MGAT4C: variants seen among roughly 807,000 people sequenced by gnomAD.
MGAT4C encodes the protein MGAT4 family member C, also known as alpha-1,3-mannosyl-glycoprotein 4-beta-N-acetylglucosaminyltransferase C.
A neutral mutation model predicts 40.1 loss-of-function variants in MGAT4C; 19 were observed. The ratio of observed to expected loss-of-function variants is 0.47; its 90% confidence interval spans 0.33 to 0.70. The LOEUF (loss-of-function observed/expected upper bound fraction) is 0.70, where lower values mean the gene tolerates loss of function less well. Among genes scored for constraint, MGAT4C ranks in the 30% least tolerant of loss-of-function variants. The pLI, the probability that MGAT4C is intolerant of heterozygous loss-of-function variation, is 0.02. For synonymous variants in MGAT4C, 181 were observed against 187.1 expected, an observed-to-expected ratio of 0.97 and a Z score of 0.27; for missense variants, 491 against 563.2, an observed-to-expected ratio of 0.87 and a Z score of 1.30.
At chr12:86,346,859 C>T (rs1474013829) in intron 3 of MGAT4C, among the ~76,000 whole-genome samples, 4 of 152,082 alleles carry the variant, frequency 2.6e-5, no homozygotes, top group South Asian at 2.1e-4. Flanking sequence ...AGAAAATGTA[C>T]GTGGAAAAGT....
intron 2 of MGAT4C, among the ~76,000 whole-genome samples, chr12:86,602,883 CGT>C (rs35262458): frequency 0.49 from 72,524 of 147,380 alleles, 17,750 homozygotes; most frequent in East Asian, 0.57. Context: ...TGCCCATCTG[CGT>C]GTGTGTGTGT....
exon 1 of MGAT4C, chr12:86,838,757 A>T (rs1421849989): frequency 6.6e-6 from 1 of 152,162 alleles, no homozygotes; most frequent in Non-Finnish European, 1.5e-5. Flanking sequence ...CTTGATGGAG[A>T]GTTTCATTCC....
At chr12:86,106,107 T>C (rs1283024520) in intron 1 of MGAT4C, among the ~76,000 whole-genome samples, 1 of 152,182 alleles carries the variant, frequency 6.6e-6, no homozygotes, top group African/African-American at 2.4e-5. Context: ...TAATAGTGCT[T>C]CCCCAATTGT....
intron 2 of MGAT4C, among the ~76,000 whole-genome samples, chr12:86,536,014 T>A (rs920611918): frequency 6.6e-6 from 1 of 152,122 alleles, no homozygotes; most frequent in Admixed American, 6.6e-5. Context: ...TGTATACAAC[T>A]ATAATGAAAC....
chr12:86,427,600 C>T (rs1956954649), intron 3 of MGAT4C, among the ~76,000 whole-genome samples: 1 of 152,088 alleles, frequency 6.6e-6, no homozygotes, highest in African/African-American at 2.4e-5. Context: ...CCTTAGTAGT[C>T]ACATTCTTAG....
At chr12:86,333,158 A>T (rs926062650) in intron 4 of MGAT4C, among the ~76,000 whole-genome samples, 9 of 152,200 alleles carry the variant, frequency 5.9e-5, no homozygotes, top group Admixed American at 3.9e-4. Context: ...TAAGTCACTT[A>T]TCTGCAGCCA....
At chr12:86,488,088 G>C (rs905418499) in intron 2 of MGAT4C, among the ~76,000 whole-genome samples, 1 of 151,994 alleles carries the variant, frequency 6.6e-6, no homozygotes, top group Non-Finnish European at 1.5e-5. Flanking sequence ...TAAAAACACA[G>C]TATGCAAAAT....
chr12:86,816,700 ATT>A (rs1291753543), intron 1 of MGAT4C, among the ~76,000 whole-genome samples: 1 of 151,526 alleles, frequency 6.6e-6, no homozygotes, highest in Non-Finnish European at 1.5e-5. Flanking sequence ...TAGTGTGAAT[ATT>A]TTTGTGTGTT....
At chr12:86,217,775 G>T (rs1204730329) in intron 1 of MGAT4C, among the ~76,000 whole-genome samples, 1 of 152,118 alleles carries the variant, frequency 6.6e-6, no homozygotes, top group Non-Finnish European at 1.5e-5. Flanking sequence ...AGTATGAAGA[G>T]ATTTTGTTTT....
At chr12:86,305,741 T>C (rs985716505) in intron 4 of MGAT4C, among the ~76,000 whole-genome samples, 1 of 150,516 alleles carries the variant, frequency 6.6e-6, no homozygotes, top group Non-Finnish European at 1.5e-5. Flanking sequence ...TTAGAATACC[T>C]AATACAATAT....
At chr12:86,384,215 G>A (rs1457864400) in intron 3 of MGAT4C, among the ~76,000 whole-genome samples, 4 of 152,240 alleles carry the variant, frequency 2.6e-5, no homozygotes, top group Non-Finnish European at 5.9e-5. Flanking sequence ...TTTATCAGCA[G>A]TGTGAAAACT....
chr12:86,316,883 T>C (rs550107817), intron 4 of MGAT4C, among the ~76,000 whole-genome samples: 1 of 151,956 alleles, frequency 6.6e-6, no homozygotes, highest in Admixed American at 6.6e-5. Context: ...AATTATATTA[T>C]AAAAAAGTGA....
chr12:86,525,193 G>A (rs1958860531), intron 2 of MGAT4C, among the ~76,000 whole-genome samples: 1 of 152,158 alleles, frequency 6.6e-6, no homozygotes, highest in Non-Finnish European at 1.5e-5. Flanking sequence ...CCTCCATGCT[G>A]TTCTCATTAT....
chr12:86,408,184 C>T (rs1240232719), intron 3 of MGAT4C, among the ~76,000 whole-genome samples: 1 of 151,914 alleles, frequency 6.6e-6, no homozygotes, highest in Non-Finnish European at 1.5e-5. Flanking sequence ...TGAATGCACA[C>T]ATGGGTGACA....
chr12:86,689,224 T>C (rs1439965773), intron 2 of MGAT4C, among the ~76,000 whole-genome samples: 2 of 152,244 alleles, frequency 1.3e-5, no homozygotes, highest in Admixed American at 6.5e-5. Context: ...AAACTGGTTA[T>C]TCTAGTTAGC....
chr12:86,685,963 C>A (rs917867650), intron 2 of MGAT4C, among the ~76,000 whole-genome samples: 14 of 151,390 alleles, frequency 9.2e-5, no homozygotes, highest in African/African-American at 2.9e-4. Context: ...CCCAGGTTCA[C>A]GCCATTCTCC....
chr12:86,765,477 C>A (rs1407385984), intron 1 of MGAT4C, among the ~76,000 whole-genome samples: 1 of 152,244 alleles, frequency 6.6e-6, no homozygotes, highest in Non-Finnish European at 1.5e-5. Flanking sequence ...CCCAATCCAG[C>A]AAGGCAGGCC....
intron 1 of MGAT4C, among the ~76,000 whole-genome samples, chr12:86,117,071 TA>T (rs1049299803): frequency 1.8e-4 from 27 of 151,970 alleles, no homozygotes; most frequent in Non-Finnish European, 2.4e-4. Flanking sequence ...AATCATTGCT[TA>T]AAAAAAAGTT....
At chr12:86,390,460 G>A (rs1487948774) in intron 3 of MGAT4C, among the ~76,000 whole-genome samples, 3 of 152,094 alleles carry the variant, frequency 2.0e-5, no homozygotes, top group African/African-American at 4.8e-5. Context: ...AAATAAATAA[G>A]TCATAGCAGA....
Sources: gnomAD v4.1 joint callset for allele counts (sites outside exome capture counted in the v4.1 genomes callset) on GRCh38, gnomAD v4.1.1 for gene constraint, MANE v1.5 for transcripts, NCBI Gene and HGNC (gene_info 2026-07-23, HGNC 2026-07-21) for gene names.